The following CNTNAP1 variants were observed in gnomAD, a reference collection of about 807,000 sequenced individuals.
The protein encoded by CNTNAP1 is contactin-associated protein 1.
CNTNAP1 carries 80 observed loss-of-function variants against 161.5 expected under a neutral mutation model. That is an observed-to-expected ratio of 0.50 (90% CI 0.41 to 0.60). CNTNAP1 has a LOEUF of 0.60. CNTNAP1 is among the 20% of genes least tolerant of loss of function. CNTNAP1 has a pLI of 0.00. For missense variants in CNTNAP1, 1,464 were observed against 1,854.8 expected, an observed-to-expected ratio of 0.79 and a Z score of 3.87; for synonymous variants, 695 against 733.1, an observed-to-expected ratio of 0.95 and a Z score of 0.84.
chr17:42,697,436 G>C, intron 21 of CNTNAP1, 69 bp downstream of exon 21: 1 of 1,608,146 alleles, frequency 6.2e-7, no homozygotes, highest in Non-Finnish European at 8.5e-7. Flanking sequence ...CTCAAGGAAA[G>C]TGAAGGCCCT....
At chr17:42,684,759 A>G (rs2052982143) in intron 3 of CNTNAP1, among the ~76,000 whole-genome samples, 1 of 151,774 alleles carries the variant, frequency 6.6e-6, no homozygotes, top group South Asian at 2.1e-4. Context: ...CCCCGTCTCT[A>G]TGAAAAATAC....
intron 8 of CNTNAP1, 89 bp downstream of exon 8, chr17:42,688,070 T>A: frequency 6.6e-7 from 1 of 1,516,880 alleles, no homozygotes; most frequent in Non-Finnish European, 8.8e-7. Context: ...GCCTTTACAT[T>A]CTGGAGAGGG....
rs377261961 is a variant in CNTNAP1 at position 42,686,074 on chromosome 17, C to T, written c.833C>T (p.Thr278Ile). Residue 278 changes from threonine (T) to isoleucine (I), a missense_variant, in exon 6 of 24, where the codon ACC becomes ATC. This residue lies in a region of CNTNAP1 where 1,383 missense variants were observed against 1,765.0 expected (regional missense o/e 0.78). Coordinates refer to ENST00000264638, the MANE Select transcript of CNTNAP1 (RefSeq NM_003632.3). ...CGATTTGGCCGCGATGTAAATTTCA[C>T]CCTGGACGGCTATGTGCAGCGCTTT... ...VDRFGRDVNF[T>I]LDGYVQRFIL... 6.2e-7 allele frequency: 1 copy of T among 1,614,182 alleles called. No homozygotes were observed. The highest frequency in any genetic ancestry group is 8.5e-7 in the Non-Finnish European group (1 of 1,180,048).
chr17:42,695,779 TCTC>T lies in CNTNAP1; in HGVS notation c.3254_3256del (p.Ser1085del). ...GTCTACAACGTTACGGGAGAGGAGG[TCTC>T]CTTCAGCTTCAGCACCAGCTCCGCC... On this transcript the variant is annotated inframe_deletion, in exon 19 of 24. Coordinates refer to ENST00000264638, the MANE Select transcript of CNTNAP1 (RefSeq NM_003632.3). The T allele has an allele frequency of 6.2e-7, 1 of 1,613,768 alleles. No homozygotes were observed. Among genetic ancestry groups the T allele is most frequent in the Non-Finnish European group, 8.5e-7 (1 of 1,179,944 alleles).
rs971230696 is a variant in CNTNAP1 at position 42,687,371 on chromosome 17, T to A, written c.1044+325T>A. The A allele has an allele frequency of 4.0e-6, 2 of 497,540 alleles. No homozygotes were observed. Among genetic ancestry groups the A allele is most frequent in the African/African-American group, 3.8e-5 (2 of 52,142 alleles). The allele number at this position is 497,540 out of a possible 1,614,324, so 30.8% of individuals were successfully genotyped here. The stretch of plus-strand genomic sequence containing the variant: ...ACTTGAACCGATGGCTTCTCTGATA[T>A]GCCCCCCTCAACCCTCTCCGACTCT... On this transcript the variant is annotated intron_variant, in intron 7 of 23. Coordinates refer to ENST00000264638, the MANE Select transcript of CNTNAP1 (RefSeq NM_003632.3). This position sits in a 1 kb window ranked among gnomAD's most constrained non-coding sequence, Gnocchi z 4.7.
At position 42,687,497 on chromosome 17, in the gene CNTNAP1, A is replaced by G; in HGVS notation, c.1045-223A>G. 1 of 601,216 alleles carries G rather than the reference A, an allele frequency of 1.7e-6. No individual in the cohort carries two copies. 37.2% of individuals were successfully genotyped at this position (601,216 alleles called of 1,614,324 possible). On this transcript the variant is annotated intron_variant, in intron 7 of 23. Coordinates refer to ENST00000264638, the MANE Select transcript of CNTNAP1 (RefSeq NM_003632.3). This position sits in a 1 kb window ranked among gnomAD's most constrained non-coding sequence, Gnocchi z 4.7. The stretch of plus-strand genomic sequence containing the variant: ...GGTCGAATCGCAGACGGTGGAGATC[A>G]GCGAGAGCAAGCGAGCAGAGTTCCG...
intron 20 of CNTNAP1, 112 bp from the exon 21 acceptor site, chr17:42,697,162 T>C (rs2053161112): frequency 5.1e-6 from 4 of 791,356 alleles, no homozygotes; most frequent in Non-Finnish European, 8.6e-6. Flanking sequence ...AGATCTCCAG[T>C]ATCTGCCCCC....
chr17:42,686,833 GGCGGGGAC>G, intron 6 of CNTNAP1, 62 bp from the exon 7 acceptor site: 1 of 1,505,366 alleles, frequency 6.6e-7, no homozygotes, highest in Non-Finnish European at 9.0e-7. Flanking sequence ...GAAAGCATAC[GGCGGGGAC>G]GCGCGAGAAA....
At position 42,687,060 on chromosome 17, in the gene CNTNAP1, G is replaced by A; in HGVS notation, c.1044+14G>A. 6.2e-7 allele frequency: 1 copy of A among 1,607,938 alleles called. No homozygotes were observed. Among genetic ancestry groups the A allele is most frequent in the Non-Finnish European group, 8.5e-7 (1 of 1,175,114 alleles). On this transcript the variant is annotated intron_variant, in intron 7 of 23. Coordinates refer to ENST00000264638, the MANE Select transcript of CNTNAP1 (RefSeq NM_003632.3). The surrounding 1 kb of genome is among the most constrained non-coding windows in gnomAD (Gnocchi z 4.7). The stretch of plus-strand genomic sequence containing the variant: ...ATCACCTTCGAGGCCAGTGGGCAGG[G>A]GGGTCTGGGAGGACAGGATATCAAA...
At chr17:42,692,100 C>A in intron 16 of CNTNAP1, 109 bp downstream of exon 16, 1 of 1,181,062 alleles carries the variant, frequency 8.5e-7, no homozygotes, top group Non-Finnish European at 1.2e-6. Flanking sequence ...TGACAGGCAG[C>A]ATGGGAAGGG....
chr17:42,686,479 T>TTTTTTTTTG (rs2053014927), intron 6 of CNTNAP1, among the ~76,000 whole-genome samples: 1 of 118,272 alleles, frequency 8.5e-6, no homozygotes, highest in African/African-American at 6.7e-5. Context: ...GTTTTTTTTT[T>TTTTTTTTTG]TTTTTTTTTT....
rs200093295 is a variant in CNTNAP1, at chr17:42,688,917, C to G, written c.1498C>G (p.Gln500Glu). The G allele has an allele frequency of 6.2e-7, 1 of 1,614,142 alleles. No homozygotes were observed. Among genetic ancestry groups the G allele is most frequent in the East Asian group, 2.2e-5 (1 of 44,876 alleles). The change falls in exon 10 of 24, where the codon CAG becomes GAG. Residue 500 changes from glutamine (Q) to glutamate (E), a missense_variant. By Grantham distance (29) the Gln-to-Glu change is conservative. Coordinates refer to ENST00000264638, the MANE Select transcript of CNTNAP1 (RefSeq NM_003632.3). ...PASRWDCHSN[Q>E]TAFHGCMELL... The stretch of plus-strand genomic sequence containing the variant: ...CAGTCGATGGGACTGCCACTCCAAC[C>G]AGACGGCATTCCATGGCTGCATGGA...
chr17:42,688,471 T>C lies in CNTNAP1; in HGVS notation c.1316T>C (p.Leu439Pro). Residue 439 changes from leucine to proline, a missense_variant, in exon 9 of 24, where the codon CTG becomes CCG. Coordinates refer to ENST00000264638, the MANE Select transcript of CNTNAP1 (RefSeq NM_003632.3). Reference protein sequence around the residue: ...KKLQFAAGYRLNDGFWHEVNF... With the variant: ...KKLQFAAGYRPNDGFWHEVNF... ...ATCCATTCTTGTCCAGGGTACCGACTGAATGACGGCTTTTGGCACGAGGTG... is the reference window on the plus strand; with the variant it reads ...ATCCATTCTTGTCCAGGGTACCGACCGAATGACGGCTTTTGGCACGAGGTG... 6.2e-7 allele frequency: 1 copy of C among 1,614,226 alleles called. No homozygotes were observed. Among genetic ancestry groups the C allele is most frequent in the African/African-American group, 1.3e-5 (1 of 75,054 alleles).
intron 1 of CNTNAP1, chr17:42,683,435 GT>G: frequency 2.7e-6 from 3 of 1,097,594 alleles, no homozygotes; most frequent in East Asian, 7.0e-5. Context: ...GATGGTGCAG[GT>G]TTTGGGGGCC....
intron 3 of CNTNAP1, 28 bp downstream of exon 3, chr17:42,684,257 T>C (rs1174425291): frequency 8.2e-6 from 13 of 1,593,134 alleles, no homozygotes; most frequent in South Asian, 4.5e-5. Flanking sequence ...GCGGTAACAC[T>C]TGGGGAGCTT....
At chr17:42,695,202 C>CCT (rs1383683703) in intron 18 of CNTNAP1, among the ~76,000 whole-genome samples, 1 of 152,184 alleles carries the variant, frequency 6.6e-6, no homozygotes, top group Non-Finnish European at 1.5e-5. Context: ...CCTGCCTTGG[C>CCT]CTCCCAAAGT....
At chr17:42,689,769 C>G in intron 11 of CNTNAP1, 142 bp downstream of exon 11, 1 of 703,272 alleles carries the variant, frequency 1.4e-6, no homozygotes, top group Non-Finnish European at 2.4e-6. Context: ...GAGACAGAGT[C>G]TTGCTCTGTT....
In CNTNAP1 at chr17:42,686,933, CG is replaced by C. The variant is rs544700921; in HGVS notation, c.933del (p.Lys312ArgfsTer13). 5 of 1,612,136 alleles carry C rather than the reference CG, an allele frequency of 3.1e-6. No individual in the cohort carries two copies. The highest frequency in any genetic ancestry group is 4.2e-6 in the Non-Finnish European group (5 of 1,178,740). The stretch of plus-strand genomic sequence containing the variant: ...CATCGGAGGTCTGGTGGGCGCCGCG[CG>C]GAAGAACCTGGCCTATCGGCATAAC... ...MFIGGLVGAA[R>X]KNLAYRHNFR... On this transcript the variant is annotated frameshift_variant, in exon 7 of 24. Coordinates refer to ENST00000264638, the MANE Select transcript of CNTNAP1 (RefSeq NM_003632.3). LOFTEE classifies it high-confidence loss of function.
rs567180800 is a variant in CNTNAP1 at position 42,693,314 on chromosome 17, A to G, written c.2770A>G (p.Arg924Gly). 6.2e-7 allele frequency: 1 copy of G among 1,614,148 alleles called. No individual in the cohort carries two copies. The highest frequency in any genetic ancestry group is 1.1e-5 in the South Asian group (1 of 91,082). ...PLYVGSAELKRRPFVGCLRAM... is the reference protein window; with the variant it reads ...PLYVGSAELKGRPFVGCLRAM... ...CTTCCCAGGATCTGCAGAGCTTAAGAGACGCCCCTTTGTGGGTTGCTTGAG... is the reference window on the plus strand; with the variant it reads ...CTTCCCAGGATCTGCAGAGCTTAAGGGACGCCCCTTTGTGGGTTGCTTGAG... The change falls in exon 18 of 24, where the codon AGA becomes GGA. Residue 924 changes from arginine (R) to glycine (G), a missense_variant. By Grantham distance (125) the Arg-to-Gly change is moderately radical. Around this residue, in one of 3 missense-constraint regions of CNTNAP1, gnomAD observed 1,383 missense variants for 1,765.0 expected, o/e 0.78. Coordinates refer to ENST00000264638, the MANE Select transcript of CNTNAP1 (RefSeq NM_003632.3).
Sources: gnomAD v4.1 joint callset for allele counts (sites outside exome capture counted in the v4.1 genomes callset) on GRCh38, gnomAD v4.1.1 for gene constraint, gnomAD v4.1.1 regional missense constraint, Gnocchi (gnomAD v3.1) non-coding constraint, MANE v1.5 for transcripts, NCBI Gene and HGNC (gene_info 2026-07-23, HGNC 2026-07-21) for gene names.